The following VTI1A variants were observed in gnomAD, a reference collection of about 807,000 sequenced individuals.
VTI1A encodes the protein vesicle transport through interaction with t-SNAREs 1A.
In VTI1A, 22 loss-of-function variants were observed where a neutral mutation model predicts 34.9. The observed-to-expected ratio is 0.63, with a 90% CI of 0.45 to 0.90. The LOEUF (loss-of-function observed/expected upper bound fraction) is 0.90, where lower values mean the gene tolerates loss of function less well. Among genes scored for constraint, VTI1A ranks in the 40% least tolerant of loss-of-function variants. The probability of loss-of-function intolerance (pLI) is 0.00; values close to 1 mark genes in which losing one functional copy is unlikely to be tolerated. For synonymous variants in VTI1A, 87 were observed against 97.3 expected, an observed-to-expected ratio of 0.89 and a Z score of 0.62; for missense variants, 268 against 275.6, an observed-to-expected ratio of 0.97 and a Z score of 0.20.
At chr10:112,608,971 A>G (rs1168193274) in intron 5 of VTI1A, among the ~76,000 whole-genome samples, 1 of 152,174 alleles carries the variant, frequency 6.6e-6, no homozygotes, top group Non-Finnish European at 1.5e-5. Context: ...TCTTCAGTCA[A>G]ATATTTGTAC....
intron 5 of VTI1A, among the ~76,000 whole-genome samples, chr10:112,560,232 T>C (rs1851676644): frequency 6.6e-6 from 1 of 152,232 alleles, no homozygotes; most frequent in South Asian, 2.1e-4. Context: ...TAGTGATAGG[T>C]CTTTAGAGTA....
chr10:112,577,764 A>G (rs1489228605), intron 5 of VTI1A, among the ~76,000 whole-genome samples: 1 of 152,212 alleles, frequency 6.6e-6, no homozygotes, highest in East Asian at 1.9e-4. Context: ...TTTAATCAAA[A>G]ATTGTATTTT....
chr10:112,701,077 T>C (rs1848992875), intron 7 of VTI1A, among the ~76,000 whole-genome samples: 1 of 152,244 alleles, frequency 6.6e-6, no homozygotes, highest in African/African-American at 2.4e-5. Flanking sequence ...GGGTCATTTT[T>C]GAGCAAACTA....
At chr10:112,782,123 G>A (rs759814431) in intron 7 of VTI1A, among the ~76,000 whole-genome samples, 12 of 152,160 alleles carry the variant, frequency 7.9e-5, no homozygotes, top group Non-Finnish European at 1.5e-4. Flanking sequence ...TTTTGTTAAG[G>A]CCTAGAAGCT....
chr10:112,608,360 T>C (rs1260212076), intron 5 of VTI1A, among the ~76,000 whole-genome samples: 1 of 152,186 alleles, frequency 6.6e-6, no homozygotes, highest in Non-Finnish European at 1.5e-5. Flanking sequence ...TGCGATTTGT[T>C]TAAAAAGAAC....
intron 7 of VTI1A, among the ~76,000 whole-genome samples, chr10:112,804,571 G>A (rs1436599567): frequency 6.6e-6 from 1 of 152,190 alleles, no homozygotes; most frequent in Non-Finnish European, 1.5e-5. Context: ...GTCATGGGGT[G>A]ACTTGCTCTA....
At chr10:112,595,812 G>A (rs982741118) in intron 5 of VTI1A, among the ~76,000 whole-genome samples, 17 of 151,838 alleles carry the variant, frequency 1.1e-4, no homozygotes, top group Non-Finnish European at 1.6e-4. Flanking sequence ...CCATTACTGG[G>A]TATATACCCA....
At chr10:112,689,614 A>G (rs1191591037) in intron 7 of VTI1A, among the ~76,000 whole-genome samples, 2 of 152,156 alleles carry the variant, frequency 1.3e-5, no homozygotes, top group Non-Finnish European at 2.9e-5. Context: ...GGGGAGGATG[A>G]TGGATGACTT....
chr10:112,803,842 G>A (rs566085887), intron 7 of VTI1A, among the ~76,000 whole-genome samples: 61 of 152,364 alleles, frequency 4.0e-4, no homozygotes, highest in African/African-American at 1.5e-3. Flanking sequence ...CTACAGACCT[G>A]TGAGGAGTTA....
chr10:112,743,638 G>T (rs1850777869), intron 7 of VTI1A, among the ~76,000 whole-genome samples: 1 of 152,156 alleles, frequency 6.6e-6, no homozygotes, highest in South Asian at 2.1e-4. Flanking sequence ...CCTTTGGAAG[G>T]TTGGAGTCTC....
At chr10:112,571,843 G>A (rs763332916) in intron 5 of VTI1A, among the ~76,000 whole-genome samples, 3 of 152,168 alleles carry the variant, frequency 2.0e-5, no homozygotes, top group East Asian at 1.9e-4. Flanking sequence ...TTGCAGGAAC[G>A]TGGATGAAGC....
intron 5 of VTI1A, among the ~76,000 whole-genome samples, chr10:112,540,653 G>T (rs1280681303): frequency 1.3e-5 from 2 of 152,222 alleles, no homozygotes; most frequent in Non-Finnish European, 2.9e-5. Flanking sequence ...GGAATACACT[G>T]GGGTGGGCAC....
At chr10:112,619,008 C>A (rs1237930809) in intron 5 of VTI1A, among the ~76,000 whole-genome samples, 1 of 150,126 alleles carries the variant, frequency 6.7e-6, no homozygotes, top group Non-Finnish European at 1.5e-5. Context: ...GGGAGAATCT[C>A]CAACAAAAAA....
chr10:112,755,779 C>T (rs1468429459), intron 7 of VTI1A, among the ~76,000 whole-genome samples: 1 of 152,118 alleles, frequency 6.6e-6, no homozygotes. Flanking sequence ...ATGTTAATTT[C>T]GTCTGGAGCC....
chr10:112,696,080 A>G (rs1848773891), intron 7 of VTI1A, among the ~76,000 whole-genome samples: 1 of 142,720 alleles, frequency 7.0e-6, no homozygotes. Context: ...GAAAAATGTA[A>G]TTAGAGAGAA....
chr10:112,790,263 A>T (rs1020122038), intron 7 of VTI1A, among the ~76,000 whole-genome samples: 22 of 152,092 alleles, frequency 1.4e-4, no homozygotes, highest in Non-Finnish European at 2.9e-4. Flanking sequence ...CTCTGCAGTG[A>T]TCTGTGTGTG....
At chr10:112,791,954 G>A (rs1378455691) in intron 7 of VTI1A, among the ~76,000 whole-genome samples, 1 of 151,974 alleles carries the variant, frequency 6.6e-6, no homozygotes, top group Non-Finnish European at 1.5e-5. Context: ...CACATTTATA[G>A]GAAAGGAATA....
chr10:112,534,646 G>GA (rs889949422), intron 4 of VTI1A, among the ~76,000 whole-genome samples: 1 of 152,008 alleles, frequency 6.6e-6, no homozygotes, highest in Non-Finnish European at 1.5e-5. Flanking sequence ...AAATGAAGGG[G>GA]AAAAATATAC....
intron 5 of VTI1A, among the ~76,000 whole-genome samples, chr10:112,589,018 CT>C (rs3057340): frequency 0.023 from 2,954 of 129,164 alleles, 107 homozygotes; most frequent in African/African-American, 0.076. Flanking sequence ...GACTCCTTGT[CT>C]TTTTTTTTTT....
Sources: gnomAD v4.1 joint callset for allele counts (sites outside exome capture counted in the v4.1 genomes callset) on GRCh38, gnomAD v4.1.1 for gene constraint, MANE v1.5 for transcripts, NCBI Gene and HGNC (gene_info 2026-07-23, HGNC 2026-07-21) for gene names.